The following PTPRD variants were observed in gnomAD, a reference collection of about 807,000 sequenced individuals.
PTPRD encodes receptor-type tyrosine-protein phosphatase delta.
In PTPRD, 34 loss-of-function variants were observed where a neutral mutation model predicts 214.5. The observed-to-expected ratio is 0.16, with a 90% confidence interval of 0.12 to 0.21. PTPRD has a LOEUF of 0.21. Among genes scored for constraint, PTPRD ranks in the 10% least tolerant of loss-of-function variants. The pLI, the probability that PTPRD is intolerant of heterozygous loss-of-function variation, is 1.00. For missense variants in PTPRD, 2,545 were observed against 2,398.7 expected (o/e 1.06, Z -1.27); for synonymous variants, 1,128 against 845.7 (o/e 1.33, Z -5.79).
intron 7 of PTPRD, among the ~76,000 whole-genome samples, chr9:9,631,536 A>C (rs994130798): frequency 1.1e-4 from 17 of 152,138 alleles, no homozygotes; most frequent in Admixed American, 2.0e-4. Context: ...CTTGTTTTCT[A>C]AACATAGTCT....
intron 44 of PTPRD, among the ~76,000 whole-genome samples, chr9:8,326,203 C>T (rs544245837): frequency 2.6e-5 from 4 of 152,192 alleles, no homozygotes; most frequent in South Asian, 4.1e-4. Flanking sequence ...AGTGGCTGTG[C>T]GTTTGTCATA....
chr9:8,940,846 TGA>T, intron 11 of PTPRD, among the ~76,000 whole-genome samples: 1 of 142,390 alleles, frequency 7.0e-6, no homozygotes, highest in Non-Finnish European at 1.6e-5. Flanking sequence ...ATGATGATGA[TGA>T]TGATGATGAT....
chr9:9,150,499 TA>T (rs1047769222), intron 10 of PTPRD, among the ~76,000 whole-genome samples: 8 of 148,482 alleles, frequency 5.4e-5, no homozygotes, highest in African/African-American at 1.2e-4. Flanking sequence ...TGTATATATA[TA>T]TTTTTTTGAG....
At chr9:9,528,761 T>C (rs373572070) in intron 8 of PTPRD, among the ~76,000 whole-genome samples, 2 of 151,530 alleles carry the variant, frequency 1.3e-5, no homozygotes, top group Non-Finnish European at 2.9e-5. Flanking sequence ...AAAGGAGGCT[T>C]CTCACCAGAA....
chr9:8,454,472 T>G, intron 33 of PTPRD: 1 of 1,089,388 alleles, frequency 9.2e-7, no homozygotes, highest in Admixed American at 2.0e-5. Context: ...ACGTGCCAGG[T>G]ATTATCTTTT....
intron 4 of PTPRD, among the ~76,000 whole-genome samples, chr9:10,027,619 G>C (rs77960994): frequency 1.3e-5 from 2 of 152,106 alleles, no homozygotes; most frequent in South Asian, 4.1e-4. Flanking sequence ...TGGCACATAA[G>C]GTTATTCTCC....
intron 30 of PTPRD, among the ~76,000 whole-genome samples, chr9:8,474,732 T>C (rs894094331): frequency 1.3e-5 from 2 of 152,154 alleles, no homozygotes; most frequent in African/African-American, 4.8e-5. Flanking sequence ...TCATCTCTTA[T>C]ATAAAGAGAA....
At chr9:8,794,798 T>C (rs532917741) in intron 11 of PTPRD, among the ~76,000 whole-genome samples, 6 of 152,108 alleles carry the variant, frequency 3.9e-5, no homozygotes, top group African/African-American at 7.2e-5. Context: ...TTTTAGATAA[T>C]TGCAGCAACA....
intron 11 of PTPRD, among the ~76,000 whole-genome samples, chr9:8,889,318 T>C (rs757076021): frequency 6.6e-6 from 1 of 152,134 alleles, no homozygotes; most frequent in Non-Finnish European, 1.5e-5. Flanking sequence ...ATGTATGTCT[T>C]GTTCACCCCT....
intron 7 of PTPRD, among the ~76,000 whole-genome samples, chr9:9,707,181 T>G (rs2154419256): frequency 6.6e-6 from 1 of 152,280 alleles, no homozygotes; most frequent in African/African-American, 2.4e-5. Context: ...TCCAATGCCT[T>G]TAAAAATGGT....
chr9:8,607,845 T>C (rs1039676538), intron 14 of PTPRD, among the ~76,000 whole-genome samples: 1 of 152,168 alleles, frequency 6.6e-6, no homozygotes, highest in African/African-American at 2.4e-5. Context: ...GATATATAAT[T>C]TTAAGGCAAC....
intron 9 of PTPRD, among the ~76,000 whole-genome samples, chr9:9,346,577 T>A (rs1212999153): frequency 6.6e-6 from 1 of 152,206 alleles, no homozygotes; most frequent in Non-Finnish European, 1.5e-5. Flanking sequence ...AGTATGTAAC[T>A]CTAGTTGTTC....
chr9:9,720,766 G>C (rs2097921286), intron 7 of PTPRD, among the ~76,000 whole-genome samples: 8 of 151,914 alleles, frequency 5.3e-5, no homozygotes, highest in Admixed American at 5.3e-4. Flanking sequence ...TGACAGGTTG[G>C]ATAAATAAAA....
chr9:8,935,176 A>G (rs946092703), intron 11 of PTPRD, among the ~76,000 whole-genome samples: 21 of 152,292 alleles, frequency 1.4e-4, no homozygotes, highest in Non-Finnish European at 8.8e-5. Context: ...CTCTGTTTGC[A>G]TATGACACCA....
At chr9:9,882,161 A>G (rs556278460) in intron 5 of PTPRD, among the ~76,000 whole-genome samples, 141 of 152,210 alleles carry the variant, frequency 9.3e-4, no homozygotes, top group African/African-American at 3.3e-3. Context: ...TATATCAAAT[A>G]CATAGTTTCT....
chr9:8,999,606 C>T (rs911590026), intron 11 of PTPRD, among the ~76,000 whole-genome samples: 1 of 151,834 alleles, frequency 6.6e-6, no homozygotes, highest in Non-Finnish European at 1.5e-5. Context: ...TGGTCTGGAA[C>T]TGAACCTTTA....
At chr9:8,896,042 A>C (rs1446413744) in intron 11 of PTPRD, among the ~76,000 whole-genome samples, 1 of 152,160 alleles carries the variant, frequency 6.6e-6, no homozygotes, top group Non-Finnish European at 1.5e-5. Context: ...CACTTGTGGA[A>C]TTTCATTTCC....
chr9:9,309,685 A>C (rs1958289671), intron 9 of PTPRD, among the ~76,000 whole-genome samples: 1 of 152,154 alleles, frequency 6.6e-6, no homozygotes, highest in Admixed American at 6.6e-5. Context: ...ATCCTGTAAA[A>C]TTTTTGCAGA....
intron 4 of PTPRD, among the ~76,000 whole-genome samples, chr9:10,015,782 G>T (rs1412433754): frequency 6.6e-6 from 1 of 152,174 alleles, no homozygotes; most frequent in Non-Finnish European, 1.5e-5. Context: ...AGTATCTTAA[G>T]AAATTTATTT....
Sources: gnomAD v4.1 joint callset for allele counts (sites outside exome capture counted in the v4.1 genomes callset) on GRCh38, gnomAD v4.1.1 for gene constraint, MANE v1.5 for transcripts, NCBI Gene and HGNC (gene_info 2026-07-23, HGNC 2026-07-21) for gene names.